The following SERAC1 variants were observed in gnomAD, a reference collection of about 807,000 sequenced individuals.
SERAC1 encodes protein SERAC1.
A neutral mutation model predicts 85.7 loss-of-function variants in SERAC1; 36 were observed. The observed-to-expected ratio is 0.42, with a 90% CI of 0.32 to 0.55. The LOEUF (loss-of-function observed/expected upper bound fraction) is 0.55. SERAC1 is among the 20% of genes least tolerant of loss of function. The probability of loss-of-function intolerance (pLI) is 0.11; values close to 1 mark genes in which losing one functional copy is unlikely to be tolerated. For missense variants in SERAC1, 629 were observed against 796.2 expected, an observed-to-expected ratio of 0.79 and a Z score of 2.53; for synonymous variants, 242 against 265.3, an observed-to-expected ratio of 0.91 and a Z score of 0.85.
At chr6:158,122,165 G>A (rs910897268) in intron 10 of SERAC1, among the ~76,000 whole-genome samples, 4 of 152,210 alleles carry the variant, frequency 2.6e-5, no homozygotes, top group African/African-American at 7.2e-5. Context: ...TTGGAGCCTA[G>A]GAGCAATAGG....
intron 6 of SERAC1, among the ~76,000 whole-genome samples, chr6:158,145,663 C>T (rs1204998531): frequency 6.6e-6 from 1 of 151,632 alleles, no homozygotes; most frequent in Non-Finnish European, 1.5e-5. Flanking sequence ...AGATTACAAG[C>T]ACACGTCACC....
intron 1 of SERAC1, chr6:158,159,441 G>C (rs1385967936): frequency 6.7e-6 from 1 of 149,892 alleles, no homozygotes; most frequent in Non-Finnish European, 1.5e-5. Flanking sequence ...TGAGGTTGCA[G>C]TGAGCTGAGA....
Position 158,116,273 on chromosome 6 carries a change from A to G in SERAC1, c.1413T>C (p.Ile471=), listed in dbSNP as rs144641679. ...TAAGAAGTTCGTTGCTTCTGAATGCAATGGACTTTCTGAACAAAACAAAAA... is the reference window on the plus strand; with the variant it reads ...TAAGAAGTTCGTTGCTTCTGAATGCGATGGACTTTCTGAACAAAACAAAAA... ...RARCPMERKS[I]AFRSNELLRK... is the part of the protein sequence containing the mutation. The change falls in exon 14 of 17, where the codon ATT becomes ATC. Residue 471 remains isoleucine, a synonymous_variant. Coordinates refer to ENST00000647468, the MANE Select transcript of SERAC1 (RefSeq NM_032861.4). 1.2e-4 allele frequency: 186 copies of G among 1,613,966 alleles called. 1 individual carries two copies. The highest frequency in any genetic ancestry group is 1.5e-4 in the Non-Finnish European group (180 of 1,179,856).
intron 12 of SERAC1, among the ~76,000 whole-genome samples, chr6:158,118,634 AAAGAAG>A (rs1562434624): frequency 6.6e-6 from 1 of 151,202 alleles, no homozygotes; most frequent in African/African-American, 2.5e-5. Flanking sequence ...AAAAAAAAAA[AAAGAAG>A]GAAAGAAATG....
At position 158,119,211 on chromosome 6, in the gene SERAC1, C is replaced by T. The variant is rs1291060877; in HGVS notation, c.1167-41G>A. On this transcript the variant is annotated intron_variant, in intron 11 of 16. Transcript: ENST00000647468. The surrounding 1 kb of genome is among the most constrained non-coding windows in gnomAD (Gnocchi z 4.5). Reference sequence around the variant, plus strand: ...GTTTTAAAAAGAAGCAGAATAAATGCATTACTGCTTTGGTAAGAATCTACA... The same window carrying T: ...GTTTTAAAAAGAAGCAGAATAAATGTATTACTGCTTTGGTAAGAATCTACA... The T allele has an allele frequency of 6.4e-7, 1 of 1,561,690 alleles. No individual in the cohort carries two copies. Among genetic ancestry groups the T allele is most frequent in the South Asian group, 1.2e-5 (1 of 84,628 alleles).
At chr6:158,142,668 G>C (rs1220821145) in intron 8 of SERAC1, among the ~76,000 whole-genome samples, 1 of 151,984 alleles carries the variant, frequency 6.6e-6, no homozygotes, top group Admixed American at 6.6e-5. Flanking sequence ...GTAGAGATGG[G>C]GTTTCACCAC....
At chr6:158,163,567 C>T (rs771976783) in intron 1 of SERAC1, among the ~76,000 whole-genome samples, 1 of 152,144 alleles carries the variant, frequency 6.6e-6, no homozygotes, top group Non-Finnish European at 1.5e-5. Flanking sequence ...ACTGCTGGAG[C>T]TCAGGAGCCC....
chr6:158,113,379 T>G, intron 16 of SERAC1, 70 bp downstream of exon 16: 1 of 1,256,850 alleles, frequency 8.0e-7, no homozygotes, highest in Admixed American at 2.1e-5. Flanking sequence ...ATATAAAAAT[T>G]GCTGTTTACA....
At chr6:158,163,509 G>A (rs540826856) in intron 1 of SERAC1, among the ~76,000 whole-genome samples, 2 of 152,290 alleles carry the variant, frequency 1.3e-5, no homozygotes, top group South Asian at 2.1e-4. Context: ...GACTATATCT[G>A]CGGCACATGC....
chr6:158,157,317 C>T (rs1274110328), intron 2 of SERAC1, among the ~76,000 whole-genome samples: 7 of 152,056 alleles, frequency 4.6e-5, no homozygotes, highest in South Asian at 4.1e-4. Context: ...ATTTATTGCA[C>T]GTATTGAGAC....
chr6:158,116,507 G>A, intron 13 of SERAC1: 2 of 485,206 alleles, frequency 4.1e-6, no homozygotes, highest in Non-Finnish European at 3.7e-6. Flanking sequence ...CAAAGCACTA[G>A]GATTATAGGC....
rs1784588280 is a variant in SERAC1 at position 158,128,100 on chromosome 6, GC to G, written c.1015+7del. 2.5e-6 allele frequency: 4 copies of G among 1,611,922 alleles called. No homozygotes were observed. Among genetic ancestry groups the G allele is most frequent in the Non-Finnish European group, 3.4e-6 (4 of 1,178,672 alleles). ...AAGTAAAAAATACTCAGTATATAAAGCTGTTACCTGAGCGAACTATAGAAGA... is the reference window on the plus strand; with the variant it reads ...AAGTAAAAAATACTCAGTATATAAAGTGTTACCTGAGCGAACTATAGAAGA... On this transcript the variant is annotated splice_region_variant and intron_variant, in intron 10 of 16. Transcript: ENST00000647468.
intron 15 of SERAC1, chr6:158,114,526 C>T: frequency 1.7e-6 from 2 of 1,202,622 alleles, no homozygotes; most frequent in Non-Finnish European, 2.1e-6. Context: ...AAAAGCAAAA[C>T]ATTATCTGAT....
chr6:158,134,988 A>G lies in SERAC1; in HGVS notation c.739-4502T>C, dbSNP rs1784758480. Among the ~76,000 whole-genome samples the G allele has an allele frequency of 2.6e-5, 4 of 152,186 alleles. No individual in the cohort carries two copies. The South Asian group carries it at 8.3e-4, about 31-fold the overall frequency. The stretch of plus-strand genomic sequence containing the variant: ...TGCTTCTGGGCATGACATACTGGGA[A>G]GGACACAAAATCACCTCTATCGTAT... On this transcript the variant is annotated intron_variant, in intron 8 of 16. Coordinates refer to ENST00000647468, the MANE Select transcript of SERAC1 (RefSeq NM_032861.4).
intron 1 of SERAC1, among the ~76,000 whole-genome samples, chr6:158,160,767 A>C (rs1436190161): frequency 6.6e-6 from 1 of 152,248 alleles, no homozygotes; most frequent in Non-Finnish European, 1.5e-5. Flanking sequence ...TTTAAACAAT[A>C]TAATTATCCT....
intron 8 of SERAC1, among the ~76,000 whole-genome samples, chr6:158,133,664 C>T (rs371700153): frequency 2.0e-5 from 3 of 152,044 alleles, no homozygotes; most frequent in South Asian, 2.1e-4. Context: ...GGATTACAGG[C>T]GTAAGCCACT....
At chr6:158,146,581 T>C (rs1785064838) in intron 6 of SERAC1, 1 of 428,794 alleles carries the variant, frequency 2.3e-6, no homozygotes, top group Admixed American at 4.0e-5. Context: ...GCTAATTTTT[T>C]TGTATTTTTA....
At chr6:158,159,077 A>G (rs867841885) in intron 1 of SERAC1, 1 of 152,122 alleles carries the variant, frequency 6.6e-6, no homozygotes, top group African/African-American at 2.4e-5. Context: ...AAAGGAAGGA[A>G]GGTACCTTGA....
chr6:158,124,928 G>C (rs1784507177), intron 10 of SERAC1, among the ~76,000 whole-genome samples: 1 of 152,086 alleles, frequency 6.6e-6, no homozygotes, highest in South Asian at 2.1e-4. Flanking sequence ...AAATACTAAA[G>C]GAAAGTCTTT....
Sources: gnomAD v4.1 joint callset for allele counts (sites outside exome capture counted in the v4.1 genomes callset) on GRCh38, gnomAD v4.1.1 for gene constraint, Gnocchi (gnomAD v3.1) non-coding constraint, MANE v1.5 for transcripts, NCBI Gene and HGNC (gene_info 2026-07-23, HGNC 2026-07-21) for gene names.